SAR1B: variants seen among roughly 807,000 people sequenced by gnomAD.
SAR1B encodes small COPII coat GTPase SAR1B.
A neutral mutation model predicts 26.8 loss-of-function variants in SAR1B; 23 were observed. The ratio of observed to expected loss-of-function variants is 0.86; its 90% CI spans 0.62 to 1.22. The LOEUF is 1.22. Among genes scored for constraint, SAR1B ranks in the 50% most tolerant of loss-of-function variants. The pLI is 0.00. For missense variants in SAR1B, 196 were observed against 232.8 expected (o/e 0.84, Z 1.03); for synonymous variants, 65 against 80.8 (o/e 0.80, Z 1.05).
chr5:134,629,852 C>T (rs1401253950), intron 1 of SAR1B, among the ~76,000 whole-genome samples: 1 of 149,810 alleles, frequency 6.7e-6, no homozygotes, highest in Non-Finnish European at 1.5e-5. Context: ...TGGCACTGCA[C>T]TCCAGCCTAG....
intron 1 of SAR1B, among the ~76,000 whole-genome samples, chr5:134,630,610 C>T (rs905474152): frequency 3.3e-5 from 5 of 151,090 alleles, no homozygotes; most frequent in African/African-American, 9.7e-5. Context: ...TGGTGAAACC[C>T]CATCTCTACT....
Position 134,627,822 on chromosome 5 carries a change from A to C in SAR1B, c.-18-3785T>G, listed in dbSNP as rs138468119. ...CCAAAAAATAAATAAATAAATAAAT[A>C]AATAAATAAATAAATAAATAAAACC... On this transcript the variant is annotated intron_variant, in intron 1 of 6. Transcript: ENST00000402673. Among the ~76,000 whole-genome samples the C allele has an allele frequency of 7.5e-3, 1,104 of 146,886 alleles. 16 individuals are homozygous for C. Among genetic ancestry groups the C allele is most frequent in the African/African-American group, 0.026 (1,045 of 39,900 alleles).
intron 4 of SAR1B, among the ~76,000 whole-genome samples, chr5:134,610,883 CTT>C (rs774142378): frequency 1.6e-4 from 22 of 141,426 alleles, no homozygotes; most frequent in Admixed American, 2.1e-4. Context: ...TATGACATAC[CTT>C]TTTTTTTTTT....
chr5:134,610,741 ATAAT>A (rs1765199220), intron 4 of SAR1B, among the ~76,000 whole-genome samples: 1 of 151,932 alleles, frequency 6.6e-6, no homozygotes, highest in Non-Finnish European at 1.5e-5. Flanking sequence ...TTCAAAAAAA[ATAAT>A]TAAAAAAAAA....
intron 6 of SAR1B, among the ~76,000 whole-genome samples, chr5:134,607,346 C>T (rs1466906404): frequency 6.6e-6 from 1 of 152,176 alleles, no homozygotes. Flanking sequence ...TCCAAACTGG[C>T]TTCACTAATA....
intron 4 of SAR1B, among the ~76,000 whole-genome samples, chr5:134,610,137 A>G (rs1765189652): frequency 1.3e-5 from 2 of 151,902 alleles, no homozygotes; most frequent in South Asian, 4.2e-4. Context: ...ATTTGGAATG[A>G]GTGACAGAAG....
chr5:134,609,447 C>T (rs1009307192), intron 5 of SAR1B, 124 bp downstream of exon 5: 1 of 769,972 alleles, frequency 1.3e-6, no homozygotes, highest in African/African-American at 1.7e-5. Flanking sequence ...CTGAGCTCAA[C>T]AAATTGCCAA....
In SAR1B at chr5:134,624,629, T is replaced by G. The variant is rs959275382; in HGVS notation, c.-18-592A>C. ...GAAATGGGATAAGGGAAGTGAGTTT[T>G]TTTTTTTTTTTTTTTTGAGACAGAG... is the stretch of plus-strand genomic sequence containing the variant. On this transcript the variant is annotated intron_variant, in intron 1 of 6. Coordinates refer to ENST00000402673, the MANE Select transcript of SAR1B (RefSeq NM_016103.4). Among the ~76,000 whole-genome samples the G allele has an allele frequency of 3.2e-3, 477 of 149,082 alleles. 5 individuals are homozygous for G. Among genetic ancestry groups the G allele is most frequent in the African/African-American group, 0.011 (459 of 40,708 alleles).
intron 4 of SAR1B, among the ~76,000 whole-genome samples, chr5:134,611,342 G>C (rs1303316380): frequency 6.6e-6 from 1 of 152,144 alleles, no homozygotes; most frequent in Non-Finnish European, 1.5e-5. Flanking sequence ...GTCGCATCAG[G>C]TTTTTAGAAT....
At position 134,608,415 on chromosome 5, in the gene SAR1B, C is replaced by G. The variant is rs371679948; in HGVS notation, c.437G>C (p.Arg146Thr). The G allele has an allele frequency of 6.2e-7, 1 of 1,605,584 alleles. No homozygotes were observed. Among genetic ancestry groups the G allele is most frequent in the Non-Finnish European group, 8.5e-7 (1 of 1,175,952 alleles). Residue 146 changes from arginine to threonine, a missense_variant, in exon 6 of 7, where the codon AGG (arginine) becomes ACG (threonine). Transcript: ENST00000402673. ...IDRPEAISEE[R>T]LREMFGLYGQ... is the part of the protein sequence containing the mutation. ...ATATAAACCAAACATCTCTCGCAAC[C>G]TCTCTTCACTGATGGCTTCAGGTCT...
Position 134,607,084 on chromosome 5 carries a change from C to G in SAR1B, c.481-18G>C, listed in dbSNP as rs373250763. 3 of 1,474,060 alleles carry G rather than the reference C, an allele frequency of 2.0e-6. No homozygotes were observed. Among genetic ancestry groups the G allele is most frequent in the Non-Finnish European group, 2.9e-6 (3 of 1,052,220 alleles). The allele number at this position is 1,474,060 out of a possible 1,614,324, so 91.3% of individuals were successfully genotyped here. A position where few individuals can be genotyped will look rare whatever the true frequency, so the allele number is the denominator to read the frequency against. On this transcript the variant is annotated intron_variant, in intron 6 of 6. Coordinates refer to ENST00000402673, the MANE Select transcript of SAR1B (RefSeq NM_016103.4). The stretch of plus-strand genomic sequence containing the variant: ...ATACTCCCCTAGAATAGAAGAGAGA[C>G]ATTTCGTTGGAATTTTATAAAATTA...
chr5:134,627,783 A>G (rs1561790081), intron 1 of SAR1B, among the ~76,000 whole-genome samples: 1 of 148,052 alleles, frequency 6.8e-6, no homozygotes, highest in Non-Finnish European at 1.5e-5. Flanking sequence ...TGGGCGACAG[A>G]GCGAGACTCC....
intron 1 of SAR1B, among the ~76,000 whole-genome samples, chr5:134,629,576 A>G (rs1220552700): frequency 6.6e-6 from 1 of 152,114 alleles, no homozygotes; most frequent in African/African-American, 2.4e-5. Context: ...GTGCACCTGT[A>G]ATCCCAGCTA....
At position 134,604,843 on chromosome 5, in the gene SAR1B, G is replaced by C. The variant is rs910470254; in HGVS notation, c.*2107C>G. 1.3e-5 allele frequency: 2 copies of C among 152,114 alleles called. No homozygotes were observed. The highest frequency in any genetic ancestry group is 4.8e-5 in the African/African-American group (2 of 41,398). 9.4% of individuals were successfully genotyped at this position (152,114 alleles called of 1,614,324 possible). On this transcript the variant is annotated 3_prime_UTR_variant, in exon 7 of 7. Coordinates refer to ENST00000402673, the MANE Select transcript of SAR1B (RefSeq NM_016103.4). ...ATACTCTAGGAAATACTTGAAGAAA[G>C]GCAGGTCCCTGAAGGTACAGATAAC... is the stretch of plus-strand genomic sequence containing the variant.
chr5:134,612,677 A>AAAAAAAAAAAAT lies in SAR1B; in HGVS notation c.244+13_244+14insATTTTTTTTTTT. On this transcript the variant is annotated intron_variant, in intron 4 of 6. Transcript: ENST00000402673. ...AAAAAAAAAAAAAAAAAAAAAAAAA[A>AAAAAAAAAAAAT]AAAAGAATCTTACCTTGAACATGTC... 1.9e-6 allele frequency: 2 copies of AAAAAAAAAAAAT among 1,055,538 alleles called. No homozygotes were observed. The highest frequency in any genetic ancestry group is 1.3e-6 in the Non-Finnish European group (1 of 762,970). The allele number at this position is 1,055,538 out of a possible 1,614,324, so 65.4% of individuals were successfully genotyped here.
At chr5:134,615,450 G>T (rs1243016104) in intron 3 of SAR1B, among the ~76,000 whole-genome samples, 2 of 151,902 alleles carry the variant, frequency 1.3e-5, no homozygotes, top group African/African-American at 4.8e-5. Flanking sequence ...AGGAGGCGGA[G>T]GTTGCAGTGA....
intron 4 of SAR1B, among the ~76,000 whole-genome samples, chr5:134,611,597 G>A (rs1016491600): frequency 2.6e-5 from 4 of 151,920 alleles, no homozygotes; most frequent in African/African-American, 9.7e-5. Flanking sequence ...CAAAAAACAG[G>A]ATTTTAGTCC....
In SAR1B at chr5:134,602,215, G is replaced by A. The variant is rs2150047378; in HGVS notation, c.*4735C>T. 6.6e-6 allele frequency: 1 copy of A among 152,264 alleles called. No homozygotes were observed. The highest frequency in any genetic ancestry group is 1.9e-4 in the East Asian group (1 of 5,188). 9.4% of individuals were successfully genotyped at this position (152,264 alleles called of 1,614,324 possible). On this transcript the variant is annotated 3_prime_UTR_variant, in exon 7 of 7. Coordinates refer to ENST00000402673, the MANE Select transcript of SAR1B (RefSeq NM_016103.4). ...TGGATAACTTCGCTTACTTTCCTTT[G>A]AATACTTTGGATTCTGTTTAAAAGT...
intron 5 of SAR1B, 41 bp downstream of exon 5, chr5:134,609,530 A>G: frequency 6.6e-7 from 1 of 1,507,378 alleles, no homozygotes; most frequent in Non-Finnish European, 9.2e-7. Flanking sequence ...CAGGCTTACC[A>G]GAGTGATTTG....
Sources: allele counts gnomAD v4.1 joint callset (sites outside exome capture counted in the v4.1 genomes callset), GRCh38; gene constraint gnomAD v4.1.1; transcripts MANE v1.5; gene names NCBI Gene and HGNC (gene_info 2026-07-23, HGNC 2026-07-21).